IGF2R: variants seen among roughly 807,000 people sequenced by gnomAD.
The protein encoded by IGF2R is insulin like growth factor 2 receptor, also known as cation-independent mannose-6-phosphate receptor.
Under a neutral mutation model 270.6 loss-of-function variants are expected in IGF2R, and 91 were observed. The ratio of observed to expected loss-of-function variants is 0.34; its 90% CI spans 0.28 to 0.40. The LOEUF (loss-of-function observed/expected upper bound fraction) is 0.40, where lower values mean the gene tolerates loss of function less well. Ranked by LOEUF, IGF2R falls within the 10% of genes least tolerant of loss-of-function variation. IGF2R has a pLI of 1.00. For missense variants in IGF2R, 2,805 were observed against 3,188.3 expected, an observed-to-expected ratio of 0.88 and a Z score of 2.90; for synonymous variants, 1,316 against 1,258.9, an observed-to-expected ratio of 1.05 and a Z score of -0.96.
Position 160,096,497 on chromosome 6 carries a change from G to A in IGF2R, c.6714G>A (p.Lys2238=), listed in dbSNP as rs373700004. The A allele has an allele frequency of 6.2e-7, 1 of 1,614,076 alleles. No homozygotes were observed. The highest frequency in any genetic ancestry group is 1.3e-5 in the African/African-American group (1 of 74,916). ...CTAAGTGCGGAAAGGATAAGACCAAGTCTGTTTCTTCCACCATCTTCTTCC... is the reference window on the plus strand; with the variant it reads ...CTAAGTGCGGAAAGGATAAGACCAAATCTGTTTCTTCCACCATCTTCTTCC... ...SSSKCGKDKT[K]SVSSTIFFHC... is the part of the protein sequence containing the mutation. Residue 2238 remains lysine (K), a synonymous_variant, in exon 45 of 48, where the codon AAG becomes AAA. Transcript: ENST00000356956.
intron 1 of IGF2R, among the ~76,000 whole-genome samples, chr6:159,988,306 G>A (rs1038818726): frequency 2.0e-5 from 3 of 152,014 alleles, no homozygotes; most frequent in African/African-American, 7.2e-5. Context: ...ACGAGATCAG[G>A]AGATTAAGAC....
intron 6 of IGF2R, 46 bp downstream of exon 6, chr6:160,027,360 A>G: frequency 6.4e-7 from 1 of 1,568,220 alleles, no homozygotes; most frequent in Non-Finnish European, 8.6e-7. Flanking sequence ...ATCTCCAGCA[A>G]GGACCTGACT....
At position 160,064,454 on chromosome 6, in the gene IGF2R, A is replaced by C; in HGVS notation, c.3940A>C (p.Thr1314Pro). 6.2e-7 allele frequency: 1 copy of C among 1,613,586 alleles called. No homozygotes were observed. The highest frequency in any genetic ancestry group is 8.5e-7 in the Non-Finnish European group (1 of 1,179,640). ...YENGLLKMNF[T>P]GGDTCHKVYQ... ...AAATGGCTTGTTAAAAATGAACTTC[A>C]CGGGGGGGGACACTTGCCATAAGGT... Residue 1314 changes from threonine (T) to proline (P), a missense_variant, in exon 28 of 48, where the codon ACG becomes CCG. This residue lies in a region of IGF2R where 1,851 missense variants were observed against 2,207.2 expected (regional missense o/e 0.84). Coordinates refer to ENST00000356956, the MANE Select transcript of IGF2R (RefSeq NM_000876.4).
At chr6:159,978,690 G>A (rs1047571373) in intron 1 of IGF2R, among the ~76,000 whole-genome samples, 3 of 151,728 alleles carry the variant, frequency 2.0e-5, no homozygotes, top group African/African-American at 7.3e-5. Flanking sequence ...TTTTCGAGGT[G>A]CCCAAAGCAA....
At chr6:160,066,961 C>T (rs1314857374) in intron 29 of IGF2R, among the ~76,000 whole-genome samples, 3 of 152,188 alleles carry the variant, frequency 2.0e-5, no homozygotes, top group Admixed American at 1.3e-4. Flanking sequence ...GGTCTCCTTG[C>T]CATGTCCCTT....
chr6:160,048,416 C>A lies in IGF2R; in HGVS notation c.2387C>A (p.Ala796Asp). 1 of 1,614,198 alleles carries A rather than the reference C, an allele frequency of 6.2e-7. No individual in the cohort carries two copies. The highest frequency in any genetic ancestry group is 8.5e-7 in the Non-Finnish European group (1 of 1,180,006). The change falls in exon 18 of 48, where the codon GCC becomes GAC. Residue 796 changes from alanine (A) to aspartate (D), a missense_variant. Ala to Asp is a moderately radical substitution (Grantham distance 126, BLOSUM62 -2). Around this residue, in one of 2 missense-constraint regions of IGF2R, gnomAD observed 1,851 missense variants for 2,207.2 expected, o/e 0.84. Transcript: ENST00000356956. ...SEGGLGGNWY[A>D]MDNSGEHVTW... ...GGTGGCCTTGGAGGAAACTGGTATG[C>A]CATGGACAACTCAGGGGAACATGTC...
intron 11 of IGF2R, among the ~76,000 whole-genome samples, chr6:160,042,095 C>A (rs1777958978): frequency 6.6e-6 from 1 of 151,990 alleles, no homozygotes; most frequent in Non-Finnish European, 1.5e-5. Flanking sequence ...TGACATAGCT[C>A]TGGTTTCTTG....
chr6:160,105,939 GA>G lies in IGF2R; in HGVS notation c.*856del, dbSNP rs1779608781. Reference sequence around the variant, plus strand: ...TGTGTGTGTGTGTGTGTGTGTGTGTGAGTGGAGTTGAGGTGTCAGAGAAAAT... The same window carrying G: ...TGTGTGTGTGTGTGTGTGTGTGTGTGGTGGAGTTGAGGTGTCAGAGAAAAT... On this transcript the variant is annotated 3_prime_UTR_variant, in exon 48 of 48. Coordinates refer to ENST00000356956, the MANE Select transcript of IGF2R (RefSeq NM_000876.4). 6.7e-6 allele frequency: 1 copy of G among 148,336 alleles called. No individual in the cohort carries two copies. Among genetic ancestry groups the G allele is most frequent in the African/African-American group, 2.6e-5 (1 of 38,790 alleles). 9.2% of individuals were successfully genotyped at this position (148,336 alleles called of 1,614,324 possible).
rs1778679718 is a variant in IGF2R, at chr6:160,070,002, G to T, written c.4387G>T (p.Asp1463Tyr). Residue 1463 changes from aspartate to tyrosine, a missense_variant, in exon 31 of 48, where the codon GAT becomes TAT. Asp to Tyr is a radical substitution (Grantham distance 160, BLOSUM62 -3). Around this residue, in one of 2 missense-constraint regions of IGF2R, gnomAD observed 1,851 missense variants for 2,207.2 expected, o/e 0.84. Coordinates refer to ENST00000356956, the MANE Select transcript of IGF2R (RefSeq NM_000876.4). ...LKYVDGDLCP[D>Y]GIRKKSTTIR... ...ATACGTTGATGGCGACTTATGTCCA[G>T]ATGGGATTCGGAAAAAGTCAACCAC... The T allele has an allele frequency of 6.2e-7, 1 of 1,614,132 alleles. No individual in the cohort carries two copies. The highest frequency in any genetic ancestry group is 1.7e-5 in the Admixed American group (1 of 60,014).
At chr6:160,051,555 C>A (rs1272261426) in intron 19 of IGF2R, among the ~76,000 whole-genome samples, 1 of 152,146 alleles carries the variant, frequency 6.6e-6, no homozygotes, top group Non-Finnish European at 1.5e-5. Flanking sequence ...TTCTGAGCCC[C>A]AGCAGTCCAA....
At chr6:160,086,093 G>T (rs141713075) in intron 41 of IGF2R, among the ~76,000 whole-genome samples, 9 of 152,194 alleles carry the variant, frequency 5.9e-5, no homozygotes, top group South Asian at 4.1e-4. Flanking sequence ...AACACTTAAG[G>T]CTTCCTAAAA....
chr6:160,048,854 T>G (rs1231643830), intron 18 of IGF2R, among the ~76,000 whole-genome samples: 3 of 152,264 alleles, frequency 2.0e-5, no homozygotes, highest in Non-Finnish European at 4.4e-5. Flanking sequence ...AGCAGACACC[T>G]GTGAAAAAGA....
intron 31 of IGF2R, 84 bp downstream of exon 31, chr6:160,070,142 C>T: frequency 3.0e-6 from 4 of 1,335,514 alleles, no homozygotes; most frequent in Non-Finnish European, 4.2e-6. Context: ...ACGTCCTCAT[C>T]TGCCTTGGGA....
Position 160,068,338 on chromosome 6 carries a change from A to C in IGF2R, c.4205A>C (p.His1402Pro). The C allele has an allele frequency of 1.9e-6, 3 of 1,614,254 alleles. No homozygotes were observed. The highest frequency in any genetic ancestry group is 2.5e-6 in the Non-Finnish European group (3 of 1,180,052). ...ATCACTGGGACGGGGGACCCGGAGCACTACCTCATCAATGTCTGCAAGTCT... is the reference window on the plus strand; with the variant it reads ...ATCACTGGGACGGGGGACCCGGAGCCCTACCTCATCAATGTCTGCAAGTCT... ...EAITGTGDPE[H>P]YLINVCKSLA... The change falls in exon 30 of 48, where the codon CAC becomes CCC. Residue 1402 changes from histidine to proline, a missense_variant. His to Pro is a moderately conservative substitution (Grantham distance 77). This residue lies in a region of IGF2R where 1,851 missense variants were observed against 2,207.2 expected (regional missense o/e 0.84). Coordinates refer to ENST00000356956, the MANE Select transcript of IGF2R (RefSeq NM_000876.4).
intron 29 of IGF2R, among the ~76,000 whole-genome samples, chr6:160,065,814 GTATATATATA>G (rs59035193): frequency 0.065 from 5,115 of 78,508 alleles, 191 homozygotes; most frequent in African/African-American, 0.09. Context: ...GTGTGTGTGT[GTATATATATA>G]TATATATATA....
At chr6:160,100,538 G>A (rs912854853) in intron 45 of IGF2R, among the ~76,000 whole-genome samples, 2 of 152,040 alleles carry the variant, frequency 1.3e-5, no homozygotes, top group Non-Finnish European at 2.9e-5. Context: ...TGATTGCTGG[G>A]TTGAGTAGAC....
At chr6:160,074,861 A>C (rs1471182481) in intron 35 of IGF2R, among the ~76,000 whole-genome samples, 1 of 152,208 alleles carries the variant, frequency 6.6e-6, no homozygotes, top group Non-Finnish European at 1.5e-5. Context: ...TCTGTGTGAG[A>C]TGGAGGCCTG....
chr6:159,976,482 T>A (rs1461486397), intron 1 of IGF2R, among the ~76,000 whole-genome samples: 1 of 152,158 alleles, frequency 6.6e-6, no homozygotes, highest in Non-Finnish European at 1.5e-5. Flanking sequence ...TTATTTGCAA[T>A]TTTATTAATT....
intron 41 of IGF2R, among the ~76,000 whole-genome samples, 170 bp downstream of exon 41, chr6:160,085,301 T>A (rs1779076347): frequency 6.6e-6 from 1 of 152,196 alleles, no homozygotes; most frequent in African/African-American, 2.4e-5. Context: ...CACATTAAAA[T>A]AAGTGCTGCT....
Sources: gnomAD v4.1 joint callset for allele counts (sites outside exome capture counted in the v4.1 genomes callset) on GRCh38, gnomAD v4.1.1 for gene constraint, gnomAD v4.1.1 regional missense constraint, MANE v1.5 for transcripts, NCBI Gene and HGNC (gene_info 2026-07-23, HGNC 2026-07-21) for gene names.